RBFOX1: variants seen among roughly 807,000 people sequenced by gnomAD.
The protein encoded by RBFOX1 is RNA binding protein fox-1 homolog 1.
RBFOX1 carries 8 observed loss-of-function variants against 57.7 expected under a neutral mutation model. That is an observed-to-expected ratio of 0.14 (90% CI 0.08 to 0.25). The LOEUF is 0.25. Ranked by LOEUF, RBFOX1 falls within the 10% of genes least tolerant of loss-of-function variation. The pLI is 1.00. For missense variants in RBFOX1, 611 were observed against 548.5 expected (o/e 1.11, Z -1.14); for synonymous variants, 326 against 222.4 (o/e 1.47, Z -4.15).
chr16:7,114,703 GT>G (rs1327979526), intron 4 of RBFOX1, among the ~76,000 whole-genome samples: 2 of 152,188 alleles, frequency 1.3e-5, no homozygotes, highest in African/African-American at 4.8e-5. Context: ...TCCTTGTGCT[GT>G]TTTCCTTTCT....
chr16:5,446,002 A>G (rs920720854), intron 1 of RBFOX1, among the ~76,000 whole-genome samples: 4 of 152,358 alleles, frequency 2.6e-5, no homozygotes, highest in African/African-American at 7.2e-5. Flanking sequence ...CCCTTTAACA[A>G]TCACATTGAT....
At chr16:5,531,966 A>G (rs948946612) in intron 2 of RBFOX1, among the ~76,000 whole-genome samples, 2 of 151,976 alleles carry the variant, frequency 1.3e-5, no homozygotes, top group African/African-American at 4.8e-5. Flanking sequence ...TTCCTGGCTA[A>G]TTTTTGTATT....
chr16:5,422,541 G>C lies in RBFOX1; in HGVS notation c.220-44675G>C, dbSNP rs546856000. 1.3e-3 allele frequency among the ~76,000 whole-genome samples: 105 copies of C among 82,728 alleles called. 2 individuals carry two copies. The highest frequency in any genetic ancestry group is 4.6e-3 in the African/African-American group (89 of 19,392). The allele number at this position is 82,728 out of a possible 152,430, so 54.3% of individuals were successfully genotyped here. On this transcript the variant is annotated intron_variant, in intron 1 of 2. Coordinates refer to the RBFOX1 transcript ENST00000585867. The stretch of plus-strand genomic sequence containing the variant: ...AGGAAAGGAGGAAGGGCGCATGAGG[G>C]GGGCAGGGAGGGGGAAGAAAGGGGA...
At chr16:7,494,295 T>A (rs2067874239) in intron 4 of RBFOX1, among the ~76,000 whole-genome samples, 1 of 152,130 alleles carries the variant, frequency 6.6e-6, no homozygotes, top group Non-Finnish European at 1.5e-5. Context: ...AAAGCTCAAT[T>A]CAGTATTTTA....
At chr16:7,388,756 A>C (rs921429360) in intron 4 of RBFOX1, among the ~76,000 whole-genome samples, 2 of 150,874 alleles carry the variant, frequency 1.3e-5, no homozygotes, top group Middle Eastern at 3.4e-3. Context: ...ATACTATTAT[A>C]AAATTAGCTT....
intron 1 of RBFOX1, among the ~76,000 whole-genome samples, chr16:6,069,679 A>G (rs2095811745): frequency 6.6e-6 from 1 of 152,174 alleles, no homozygotes; most frequent in East Asian, 1.9e-4. Flanking sequence ...ATAATCTTAC[A>G]TTAAGTAACT....
At chr16:6,813,009 T>C (rs2089147270) in intron 3 of RBFOX1, among the ~76,000 whole-genome samples, 1 of 151,966 alleles carries the variant, frequency 6.6e-6, no homozygotes, top group South Asian at 2.1e-4. Flanking sequence ...GATTTTTAAA[T>C]AAAACTTTAT....
chr16:5,749,802 T>C (rs893314649), intron 3 of RBFOX1, among the ~76,000 whole-genome samples: 6 of 152,216 alleles, frequency 3.9e-5, no homozygotes, highest in Non-Finnish European at 7.3e-5. Context: ...TTCTTTGCGA[T>C]GGGTTCGAAC....
intron 1 of RBFOX1, among the ~76,000 whole-genome samples, chr16:5,455,713 CT>C (rs1464667684): frequency 6.6e-6 from 1 of 152,182 alleles, no homozygotes; most frequent in East Asian, 1.9e-4. Context: ...TTAGCGGTCA[CT>C]TTCATTCTCT....
At chr16:7,636,833 GACAGAGAGAA>G (rs1242704011) in intron 11 of RBFOX1, among the ~76,000 whole-genome samples, 1 of 131,748 alleles carries the variant, frequency 7.6e-6, no homozygotes, top group Non-Finnish European at 1.7e-5. Flanking sequence ...GAGAGACAGA[GACAGAGAGAA>G]ACAGAGAGAG....
chr16:6,489,582 TC>T (rs1287556372), intron 2 of RBFOX1, among the ~76,000 whole-genome samples: 2 of 152,152 alleles, frequency 1.3e-5, no homozygotes, highest in East Asian at 3.9e-4. Flanking sequence ...AATTTGAGCT[TC>T]TAAATGTACA....
intron 4 of RBFOX1, among the ~76,000 whole-genome samples, chr16:7,086,773 G>T (rs571379569): frequency 2.8e-5 from 3 of 109,084 alleles, no homozygotes; most frequent in African/African-American, 1.0e-4. Flanking sequence ...GAGGGCGTGT[G>T]TATCATCTTC....
intron 3 of RBFOX1, among the ~76,000 whole-genome samples, chr16:5,806,450 C>T (rs902991314): frequency 6.6e-6 from 1 of 152,162 alleles, no homozygotes; most frequent in African/African-American, 2.4e-5. Flanking sequence ...TAGTTGCCTC[C>T]AGCCCTGTTA....
chr16:5,240,552 G>C (rs1437983097), intron 1 of RBFOX1, among the ~76,000 whole-genome samples: 4 of 152,170 alleles, frequency 2.6e-5, no homozygotes, highest in Non-Finnish European at 4.4e-5. Flanking sequence ...CTGGGCTGCG[G>C]GCTGGCGGCG....
intron 1 of RBFOX1, among the ~76,000 whole-genome samples, chr16:5,368,050 G>C (rs1014421366): frequency 6.6e-6 from 1 of 152,210 alleles, no homozygotes; most frequent in African/African-American, 2.4e-5. Context: ...CATAGTTGGA[G>C]AGACCCACAT....
chr16:6,498,830 G>A (rs1339094107), intron 2 of RBFOX1, among the ~76,000 whole-genome samples: 2 of 152,158 alleles, frequency 1.3e-5, no homozygotes, highest in Non-Finnish European at 2.9e-5. Context: ...TTCTCCTGAA[G>A]CCAAGATATG....
At chr16:6,164,625 C>G (rs2096903173) in intron 1 of RBFOX1, among the ~76,000 whole-genome samples, 1 of 151,736 alleles carries the variant, frequency 6.6e-6, no homozygotes, top group Non-Finnish European at 1.5e-5. Flanking sequence ...AACCACCACA[C>G]CTGGTAAATT....
chr16:7,143,327 C>T (rs1034950701), intron 4 of RBFOX1, among the ~76,000 whole-genome samples: 1 of 152,082 alleles, frequency 6.6e-6, no homozygotes, highest in East Asian at 1.9e-4. Context: ...CCCGACCCAG[C>T]TCTCAGGGAG....
chr16:6,499,674 T>C (rs974785639), intron 2 of RBFOX1, among the ~76,000 whole-genome samples: 12 of 152,104 alleles, frequency 7.9e-5, no homozygotes, highest in African/African-American at 2.7e-4. Flanking sequence ...TCAACATCAC[T>C]TCAGTGACCC....
Sources: gnomAD v4.1 joint callset for allele counts (sites outside exome capture counted in the v4.1 genomes callset) on GRCh38, gnomAD v4.1.1 for gene constraint, MANE v1.5 for transcripts, NCBI Gene and HGNC (gene_info 2026-07-23, HGNC 2026-07-21) for gene names.